NWD2: variants seen among roughly 807,000 people sequenced by gnomAD.
NWD2 encodes the protein NACHT and WD repeat domain containing 2, also known as NACHT and WD repeat domain-containing protein 2.
NWD2 carries 37 observed loss-of-function variants against 132.7 expected under a neutral mutation model. That is an observed-to-expected ratio of 0.28 (90% CI 0.21 to 0.37). NWD2 has a LOEUF of 0.37. Ranked by LOEUF, NWD2 falls within the 10% of genes least tolerant of loss-of-function variation. The pLI, the probability that NWD2 is intolerant of heterozygous loss-of-function variation, is 1.00. For missense variants in NWD2, 1,592 were observed against 2,122.4 expected (o/e 0.75, Z 4.91); for synonymous variants, 705 against 803.0 (o/e 0.88, Z 2.06).
chr4:37,251,260 CAG>C (rs1387956512), intron 1 of NWD2, among the ~76,000 whole-genome samples: 1 of 152,216 alleles, frequency 6.6e-6, no homozygotes, highest in Non-Finnish European at 1.5e-5. Context: ...GCCTAGGTGA[CAG>C]AGACTCCATC....
intron 3 of NWD2, among the ~76,000 whole-genome samples, chr4:37,385,483 C>T (rs543231247): frequency 3.3e-5 from 5 of 152,270 alleles, no homozygotes; most frequent in African/African-American, 7.2e-5. Context: ...AACAGAGCAG[C>T]GTTCTCTCTG....
Position 37,439,190 on chromosome 4 carries a change from A to C in NWD2, c.1096A>C (p.Thr366Pro). 6.5e-7 allele frequency: 1 copy of C among 1,550,138 alleles called. No individual in the cohort carries two copies. The highest frequency in any genetic ancestry group is 2.0e-5 in the Admixed American group (1 of 50,656). Residue 366 changes from threonine to proline, a missense_variant, in exon 6 of 7, where the codon ACT (threonine) becomes CCT (proline). Coordinates refer to ENST00000309447, the MANE Select transcript of NWD2 (RefSeq NM_001144990.2). This position sits in a 1 kb window ranked among gnomAD's most constrained non-coding sequence, Gnocchi z 4.5. The part of the protein sequence containing the change: ...ATIQQNFDTE[T>P]DTLYDEILQH... ...GATACAACAGAATTTTGACACTGAAACTGATACACTCTATGATGAAATCCT... is the reference window on the plus strand; with the variant it reads ...GATACAACAGAATTTTGACACTGAACCTGATACACTCTATGATGAAATCCT...
intron 3 of NWD2, among the ~76,000 whole-genome samples, chr4:37,366,590 G>A (rs775535440): frequency 7.9e-5 from 12 of 151,978 alleles, no homozygotes; most frequent in Non-Finnish European, 1.2e-4. Flanking sequence ...AACTGTATGC[G>A]GTTTTCAAGA....
Position 37,447,015 on chromosome 4 carries a change from A to G in NWD2, c.5027A>G (p.Lys1676Arg). 1 of 1,551,742 alleles carries G rather than the reference A, an allele frequency of 6.4e-7. No individual in the cohort carries two copies. The highest frequency in any genetic ancestry group is 8.7e-7 in the Non-Finnish European group (1 of 1,147,004). The part of the protein sequence containing the change: ...FNNATHTSRP[K>R]CNSYCFKISV... ...AATGCAACACACACCTCCAGGCCAA[A>G]GTGTAACAGTTATTGTTTTAAAATA... is the stretch of plus-strand genomic sequence containing the variant. The change falls in exon 7 of 7, where the codon AAG (lysine) becomes AGG (arginine). Residue 1676 changes from lysine to arginine, a missense_variant. Physicochemically the swap from Lys to Arg is conservative, Grantham distance 26. Around this residue, in one of 7 missense-constraint regions of NWD2, gnomAD observed 257 missense variants for 335.0 expected, o/e 0.77. Coordinates refer to ENST00000309447, the MANE Select transcript of NWD2 (RefSeq NM_001144990.2).
intron 1 of NWD2, among the ~76,000 whole-genome samples, chr4:37,269,984 T>A (rs903911481): frequency 8.6e-5 from 13 of 151,794 alleles, no homozygotes; most frequent in African/African-American, 2.2e-4. Context: ...GATTCAGATA[T>A]TTTATATTAT....
intron 3 of NWD2, among the ~76,000 whole-genome samples, chr4:37,362,025 C>T (rs537978312): frequency 6.6e-6 from 1 of 152,166 alleles, no homozygotes; most frequent in East Asian, 1.9e-4. Flanking sequence ...ACACCCATAA[C>T]GTTCAAGCTG....
chr4:37,297,971 G>T (rs1718533262), intron 1 of NWD2, among the ~76,000 whole-genome samples: 1 of 152,080 alleles, frequency 6.6e-6, no homozygotes, highest in Non-Finnish European at 1.5e-5. Context: ...AACACCCCTA[G>T]GTTGAACAAA....
intron 2 of NWD2, among the ~76,000 whole-genome samples, chr4:37,339,697 G>A (rs923456960): frequency 6.6e-6 from 1 of 152,170 alleles, no homozygotes; most frequent in Non-Finnish European, 1.5e-5. Context: ...GGTATAAATA[G>A]GGGTACAAGT....
chr4:37,396,598 A>G (rs1400484265), intron 3 of NWD2, among the ~76,000 whole-genome samples: 6 of 152,176 alleles, frequency 3.9e-5, no homozygotes, highest in African/African-American at 1.4e-4. Flanking sequence ...GTTCCACCTG[A>G]TGTGTTCACT....
At position 37,370,411 on chromosome 4, in the gene NWD2, C is replaced by T. The variant is rs532761916; in HGVS notation, c.357+13929C>T. On this transcript the variant is annotated intron_variant, in intron 3 of 6. Transcript: ENST00000309447. ...ATATAACTTAAAATTTATCCCTTTA[C>T]ACAAATGGATTGACCGCTGTACATT... Among the ~76,000 whole-genome samples the T allele has an allele frequency of 4.6e-5, 7 of 152,272 alleles. No homozygotes were observed. The East Asian group carries it at 1.4e-3, about 29-fold the overall frequency.
chr4:37,428,617 A>G (rs1172519592), intron 3 of NWD2, among the ~76,000 whole-genome samples: 1 of 152,256 alleles, frequency 6.6e-6, no homozygotes, highest in Non-Finnish European at 1.5e-5. Flanking sequence ...GAGAATTTAC[A>G]TGTTCCCAGG....
chr4:37,331,586 C>A (rs72493528), intron 2 of NWD2, among the ~76,000 whole-genome samples: 22,026 of 144,904 alleles, frequency 0.15, 2,534 homozygotes, highest in East Asian at 0.35. Context: ...CCACCAGAAT[C>A]ATCCTGTGTA....
chr4:37,363,227 C>T (rs1384478383), intron 3 of NWD2, among the ~76,000 whole-genome samples: 5 of 152,068 alleles, frequency 3.3e-5, no homozygotes, highest in Non-Finnish European at 5.9e-5. Flanking sequence ...TTAGTTCAGC[C>T]ACTGTGTCAA....
At chr4:37,350,111 A>G (rs1341147381) in intron 2 of NWD2, among the ~76,000 whole-genome samples, 2 of 152,148 alleles carry the variant, frequency 1.3e-5, no homozygotes, top group Non-Finnish European at 2.9e-5. Context: ...GTTTGAAGTC[A>G]GGTAGTGCAA....
chr4:37,291,126 A>G (rs1034624417), intron 1 of NWD2, among the ~76,000 whole-genome samples: 4 of 152,212 alleles, frequency 2.6e-5, no homozygotes, highest in Admixed American at 1.3e-4. Context: ...AACCACACTC[A>G]CTAACAGGTC....
intron 2 of NWD2, among the ~76,000 whole-genome samples, chr4:37,348,952 G>T (rs1719705863): frequency 6.6e-6 from 1 of 151,644 alleles, no homozygotes; most frequent in Admixed American, 6.6e-5. Context: ...CTGTTCCTGT[G>T]TAAGTTTGCT....
chr4:37,315,002 G>C (rs1254118410), intron 1 of NWD2, among the ~76,000 whole-genome samples: 1 of 151,920 alleles, frequency 6.6e-6, no homozygotes, highest in Non-Finnish European at 1.5e-5. Context: ...GTGAATTTTT[G>C]ATGCATGAGT....
intron 1 of NWD2, among the ~76,000 whole-genome samples, chr4:37,286,468 A>G (rs1352846919): frequency 6.6e-6 from 1 of 152,234 alleles, no homozygotes; most frequent in South Asian, 2.1e-4. Flanking sequence ...ATACTCACTT[A>G]TATGTTAATC....
At chr4:37,266,738 T>G (rs531151588) in intron 1 of NWD2, among the ~76,000 whole-genome samples, 53 of 152,048 alleles carry the variant, frequency 3.5e-4, no homozygotes, top group Non-Finnish European at 6.5e-4. Context: ...TTATACCGCC[T>G]TTATTTTGTC....
Sources: allele counts gnomAD v4.1 joint callset (sites outside exome capture counted in the v4.1 genomes callset), GRCh38; gene constraint gnomAD v4.1.1; regional missense constraint gnomAD v4.1.1; non-coding constraint Gnocchi (gnomAD v3.1); transcripts MANE v1.5; gene names NCBI Gene and HGNC (gene_info 2026-07-23, HGNC 2026-07-21).